CCBE1: variants seen among roughly 807,000 people sequenced by gnomAD.
CCBE1 encodes collagen and calcium-binding EGF domain-containing protein 1.
A neutral mutation model predicts 50.0 loss-of-function variants in CCBE1; 37 were observed. The observed-to-expected ratio is 0.74, with a 90% CI of 0.57 to 0.97. CCBE1 has a LOEUF of 0.97. CCBE1 is among the 50% of genes least tolerant of loss of function. CCBE1 has a pLI of 0.00. For missense variants in CCBE1, 538 were observed against 523.8 expected, an observed-to-expected ratio of 1.03 and a Z score of -0.26; for synonymous variants, 234 against 203.7, an observed-to-expected ratio of 1.15 and a Z score of -1.27.
At position 59,664,072 on chromosome 18, in the gene CCBE1, G is replaced by A. The variant is rs562048471; in HGVS notation, c.212+32557C>T. ...CAGTTTTGAAGACTGAGAAGTCTGC[G>A]ATTAGGATGCCAGCATGATTGGGTT... On this transcript the variant is annotated intron_variant, in intron 2 of 10. Coordinates refer to ENST00000439986, the MANE Select transcript of CCBE1 (RefSeq NM_133459.4). Among the ~76,000 whole-genome samples, 279 of 152,288 alleles carry A rather than the reference G, an allele frequency of 1.8e-3. 1 individual carries two copies. Among genetic ancestry groups the A allele is most frequent in the African/African-American group, 6.4e-3 (265 of 41,554 alleles).
chr18:59,598,319 C>T (rs1370971096), intron 2 of CCBE1, among the ~76,000 whole-genome samples: 4 of 152,202 alleles, frequency 2.6e-5, no homozygotes, highest in East Asian at 1.9e-4. Context: ...GCCCCCTCAC[C>T]GCTGTGGGAA....
chr18:59,465,612 C>T (rs1182709946), intron 5 of CCBE1: 2 of 152,152 alleles, frequency 1.3e-5, no homozygotes, highest in South Asian at 2.1e-4. Flanking sequence ...ATGTAAAATG[C>T]AAGCATAAAT....
At chr18:59,691,684 G>T (rs376285437) in intron 2 of CCBE1, among the ~76,000 whole-genome samples, 3 of 152,208 alleles carry the variant, frequency 2.0e-5, no homozygotes, top group Admixed American at 6.5e-5. Flanking sequence ...GATTACAGGC[G>T]TGAGCCACCG....
At chr18:59,645,718 C>T (rs2054046334) in intron 2 of CCBE1, among the ~76,000 whole-genome samples, 1 of 152,202 alleles carries the variant, frequency 6.6e-6, no homozygotes, top group Non-Finnish European at 1.5e-5. Flanking sequence ...GGCTTTGCTG[C>T]CCAAAACCTG....
intron 2 of CCBE1, among the ~76,000 whole-genome samples, chr18:59,526,664 C>T (rs1462654828): frequency 3.9e-5 from 6 of 152,134 alleles, no homozygotes; most frequent in African/African-American, 1.4e-4. Context: ...AAAATTTCCT[C>T]TTAACATTAC....
intron 5 of CCBE1, among the ~76,000 whole-genome samples, chr18:59,460,432 T>G (rs1365646580): frequency 6.6e-6 from 1 of 152,248 alleles, no homozygotes; most frequent in African/African-American, 2.4e-5. Context: ...TAACGAAATA[T>G]TGAGCTTACT....
At chr18:59,697,175 C>G (rs1457873966) in intron 1 of CCBE1, 37 bp downstream of exon 1, 2 of 1,547,158 alleles carry the variant, frequency 1.3e-6, no homozygotes. Context: ...GCGCATCAAG[C>G]AGGAGCTCGC....
intron 2 of CCBE1, among the ~76,000 whole-genome samples, chr18:59,497,920 TG>T (rs1913432375): frequency 6.6e-6 from 1 of 152,222 alleles, no homozygotes. Flanking sequence ...TTACAAATCC[TG>T]TCCAGGGCTC....
intron 2 of CCBE1, among the ~76,000 whole-genome samples, chr18:59,558,261 A>G (rs932186386): frequency 3.9e-5 from 6 of 152,232 alleles, no homozygotes; most frequent in Non-Finnish European, 8.8e-5. Flanking sequence ...TCTTCTAGTT[A>G]GTTGAGGTTG....
chr18:59,631,639 A>G (rs1471177359), intron 2 of CCBE1, among the ~76,000 whole-genome samples: 1 of 152,220 alleles, frequency 6.6e-6, no homozygotes, highest in African/African-American at 2.4e-5. Context: ...TGAGAGCAGC[A>G]TGGTTCAAGT....
At chr18:59,537,575 G>C (rs886133903) in intron 2 of CCBE1, among the ~76,000 whole-genome samples, 1 of 152,128 alleles carries the variant, frequency 6.6e-6, no homozygotes, top group Admixed American at 6.5e-5. Context: ...CTTCAGCCAC[G>C]TGGAACTGTG....
At chr18:59,584,693 T>C (rs919474693) in intron 2 of CCBE1, among the ~76,000 whole-genome samples, 1 of 152,106 alleles carries the variant, frequency 6.6e-6, no homozygotes, top group Non-Finnish European at 1.5e-5. Flanking sequence ...TGCTTCACCA[T>C]GTAAGATGCC....
At chr18:59,618,000 A>G (rs748511929) in intron 2 of CCBE1, among the ~76,000 whole-genome samples, 36 of 152,348 alleles carry the variant, frequency 2.4e-4, no homozygotes, top group Admixed American at 1.4e-3. Flanking sequence ...TAGATGTGGA[A>G]TCCATTTACC....
chr18:59,680,374 G>T (rs766727827), intron 2 of CCBE1, among the ~76,000 whole-genome samples: 4 of 151,950 alleles, frequency 2.6e-5, no homozygotes, highest in African/African-American at 9.7e-5. Context: ...GATTTGGGGG[G>T]CCCAAGATAT....
At chr18:59,580,414 G>A (rs2053066531) in intron 2 of CCBE1, among the ~76,000 whole-genome samples, 1 of 152,166 alleles carries the variant, frequency 6.6e-6, no homozygotes, top group Admixed American at 6.5e-5. Flanking sequence ...CCAAAATGTA[G>A]AAAACCAAAT....
In CCBE1 at chr18:59,696,720, G is replaced by C. The variant is rs2144762309; in HGVS notation, c.132-11C>G. 1.9e-6 allele frequency: 3 copies of C among 1,613,486 alleles called. No homozygotes were observed. Among genetic ancestry groups the C allele is most frequent in the Non-Finnish European group, 2.5e-6 (3 of 1,179,638 alleles). ...TCTGAGCAGATTTCTCTATGAAAAA[G>C]TGCAGAGGAAATGTTCGATTCTCAG... On this transcript the variant is annotated splice_polypyrimidine_tract_variant and intron_variant, in intron 1 of 10. Transcript: ENST00000439986.
intron 2 of CCBE1, among the ~76,000 whole-genome samples, chr18:59,671,855 C>G (rs75243933): frequency 0.015 from 2,333 of 151,360 alleles, 65 homozygotes; most frequent in African/African-American, 0.053. Flanking sequence ...TCCTAGAGAG[C>G]AGATTTAATG....
At chr18:59,574,610 G>A (rs1347078721) in intron 2 of CCBE1, among the ~76,000 whole-genome samples, 1 of 152,144 alleles carries the variant, frequency 6.6e-6, no homozygotes, top group Non-Finnish European at 1.5e-5. Context: ...TATTTTTGAG[G>A]AAGAAAGTAG....
At chr18:59,505,159 G>T (rs1913811892) in intron 2 of CCBE1, among the ~76,000 whole-genome samples, 2 of 152,168 alleles carry the variant, frequency 1.3e-5, no homozygotes, top group Admixed American at 6.5e-5. Context: ...GCTCCCCAGT[G>T]GGGTGGAGGG....
Sources: gnomAD v4.1 joint callset for allele counts (sites outside exome capture counted in the v4.1 genomes callset) on GRCh38, gnomAD v4.1.1 for gene constraint, MANE v1.5 for transcripts, NCBI Gene and HGNC (gene_info 2026-07-23, HGNC 2026-07-21) for gene names.